RAB28: variants seen among roughly 807,000 people sequenced by gnomAD.
RAB28 encodes RAB28, member RAS oncogene family, also known as ras-related protein Rab-28.
RAB28 carries 24 observed loss-of-function variants against 31.7 expected under a neutral mutation model. That is an observed-to-expected ratio of 0.76 (90% CI 0.55 to 1.06). The LOEUF is 1.06. RAB28 is among the 50% of genes least tolerant of loss of function. RAB28 has a pLI of 0.00. For missense variants in RAB28, 254 were observed against 258.5 expected (o/e 0.98, Z 0.12); for synonymous variants, 100 against 90.4 (o/e 1.11, Z -0.60).
intron 4 of RAB28, among the ~76,000 whole-genome samples, chr4:13,402,871 T>C (rs1327880952): frequency 2.0e-5 from 3 of 152,178 alleles, no homozygotes; most frequent in Admixed American, 6.6e-5. Context: ...CACGGCTCAC[T>C]GCAGCCTTTG....
chr4:13,445,496 G>T (rs561881587), intron 4 of RAB28, among the ~76,000 whole-genome samples: 2 of 152,226 alleles, frequency 1.3e-5, no homozygotes, highest in South Asian at 4.1e-4. Flanking sequence ...CATCTTCGTG[G>T]ATTTATCTAC....
chr4:13,435,561 G>C (rs1299992176), intron 4 of RAB28, among the ~76,000 whole-genome samples: 8 of 152,086 alleles, frequency 5.3e-5, no homozygotes, highest in Non-Finnish European at 1.2e-4. Flanking sequence ...TGACAGCACA[G>C]AACTACAAAA....
At chr4:13,460,225 A>G (rs1715523313) in intron 4 of RAB28, among the ~76,000 whole-genome samples, 1 of 152,130 alleles carries the variant, frequency 6.6e-6, no homozygotes, top group Non-Finnish European at 1.5e-5. Context: ...TTATTTCTCA[A>G]ACTTCGGTAA....
intron 4 of RAB28, chr4:13,459,710 A>G: frequency 3.1e-6 from 3 of 978,520 alleles, no homozygotes; most frequent in Non-Finnish European, 3.6e-6. Context: ...TTTCAGAAAA[A>G]AAACAAAAAT....
At chr4:13,378,461 T>G (rs551830533) in intron 5 of RAB28, among the ~76,000 whole-genome samples, 2 of 152,130 alleles carry the variant, frequency 1.3e-5, no homozygotes, top group African/African-American at 4.8e-5. Flanking sequence ...AAAGAAGAAC[T>G]AGAGACAATT....
intron 3 of RAB28, among the ~76,000 whole-genome samples, chr4:13,469,205 T>G (rs2108967656): frequency 6.6e-6 from 1 of 152,154 alleles, no homozygotes; most frequent in South Asian, 2.1e-4. Flanking sequence ...ACATGGAATA[T>G]ATCTTGAAAT....
At chr4:13,403,100 C>T (rs1414081239) in intron 4 of RAB28, among the ~76,000 whole-genome samples, 2 of 151,950 alleles carry the variant, frequency 1.3e-5, no homozygotes, top group Non-Finnish European at 2.9e-5. Flanking sequence ...CGGACCCTGG[C>T]TCACATATTC....
Position 13,474,471 on chromosome 4 carries a change from T to A in RAB28, c.173-65A>T, listed in dbSNP as rs1376039975. The A allele has an allele frequency of 3.7e-5, 35 of 954,342 alleles. No homozygotes were observed. The East Asian group carries it at 7.9e-4, about 22-fold the overall frequency. 59.1% of individuals were successfully genotyped at this position (954,342 alleles called of 1,614,324 possible). A position where few individuals can be genotyped will look rare whatever the true frequency, so the allele number is the denominator to read the frequency against. Reference sequence around the variant, plus strand: ...AAAAATTAAGTAACAATACAACAAGTGACACAGTATCACAGAATACTAAGT... The same window carrying A: ...AAAAATTAAGTAACAATACAACAAGAGACACAGTATCACAGAATACTAAGT... On this transcript the variant is annotated intron_variant, in intron 2 of 6. Coordinates refer to ENST00000330852, the MANE Select transcript of RAB28 (RefSeq NM_001017979.3).
chr4:13,377,186 C>T (rs1162220565), intron 5 of RAB28, among the ~76,000 whole-genome samples: 3 of 152,044 alleles, frequency 2.0e-5, no homozygotes, highest in African/African-American at 2.4e-5. Context: ...AAATATATGC[C>T]ATTACGATTA....
intron 3 of RAB28, among the ~76,000 whole-genome samples, chr4:13,464,015 G>C (rs1715723199): frequency 6.6e-6 from 1 of 152,050 alleles, no homozygotes; most frequent in African/African-American, 2.4e-5. Flanking sequence ...TCATCACCCT[G>C]AAATCTGGAG....
At chr4:13,376,354 G>T (rs10020095) in intron 6 of RAB28, among the ~76,000 whole-genome samples, 191 bp downstream of exon 6, 2,404 of 152,050 alleles carry the variant, frequency 0.016, 61 homozygotes, top group African/African-American at 0.054. Context: ...GGTTTCAAGG[G>T]TATCATAATT....
chr4:13,419,659 A>G (rs941017421), intron 4 of RAB28, among the ~76,000 whole-genome samples: 1 of 152,284 alleles, frequency 6.6e-6, no homozygotes, highest in South Asian at 2.1e-4. Context: ...CTACTGGGTA[A>G]ATAATGAAAT....
chr4:13,460,721 C>G lies in RAB28; in HGVS notation c.369G>C (p.Leu123=), dbSNP rs920657256. ...TACTTTTATTGCCTACCAAGGCAAC[C>G]AGTGGCTGAGTTTCTGACTCCTCGC... ...KVSEESETQP[L]VALVGNKIDL... is the part of the protein sequence containing the mutation. Residue 123 remains leucine (L), a synonymous_variant, in exon 4 of 7, where the codon CTG becomes CTC. Coordinates refer to ENST00000330852, the MANE Select transcript of RAB28 (RefSeq NM_001017979.3). 1.2e-6 allele frequency: 2 copies of G among 1,614,016 alleles called. No individual in the cohort carries two copies. The highest frequency in any genetic ancestry group is 1.7e-5 in the Admixed American group (1 of 60,024).
At chr4:13,371,647 T>G (rs540193363) in intron 6 of RAB28, 1 of 1,460,636 alleles carries the variant, frequency 6.8e-7, no homozygotes, top group African/African-American at 1.4e-5. Context: ...TAACCAAGGC[T>G]CTGCAGATTC....
Position 13,368,501 on chromosome 4 carries a change from C to T in RAB28, c.*57G>A, listed in dbSNP as rs773463049. 108 of 1,551,278 alleles carry T rather than the reference C, an allele frequency of 7.0e-5. No homozygotes were observed. The highest frequency in any genetic ancestry group is 1.7e-4 in the Middle Eastern group (1 of 5,774). On this transcript the variant is annotated 3_prime_UTR_variant, in exon 7 of 7. Coordinates refer to ENST00000330852, the MANE Select transcript of RAB28 (RefSeq NM_001017979.3). ...GATAAAACAAGTTCCTAGAAGTCCT[C>T]GGGCCCACCCAGAGGTGAAGGGCAG... is the stretch of plus-strand genomic sequence containing the variant.
chr4:13,442,197 G>C (rs1319418940), intron 4 of RAB28, among the ~76,000 whole-genome samples: 2 of 152,134 alleles, frequency 1.3e-5, no homozygotes, highest in Non-Finnish European at 2.9e-5. Flanking sequence ...TATGTCCACT[G>C]TGGATTAACT....
At chr4:13,381,068 C>A (rs1019333677) in intron 5 of RAB28, among the ~76,000 whole-genome samples, 2 of 151,972 alleles carry the variant, frequency 1.3e-5, no homozygotes, top group African/African-American at 4.8e-5. Flanking sequence ...GTAATCTGGA[C>A]CCCATTACAT....
chr4:13,376,577 T>C lies in RAB28; in HGVS notation c.541A>G (p.Lys181Glu). ...QKVAAEILGI[K>E]LNKAEIEQSQ... ...TGTTCTATTTCTGCTTTGTTTAATTTGATCCCAAGGATTTCAGCAGCAACT... is the reference window on the plus strand; with the variant it reads ...TGTTCTATTTCTGCTTTGTTTAATTCGATCCCAAGGATTTCAGCAGCAACT... The change falls in exon 6 of 7, where the codon AAA becomes GAA. Residue 181 changes from lysine (K) to glutamate (E), a missense_variant. By Grantham distance (56) the Lys-to-Glu change is moderately conservative (BLOSUM62 1). Coordinates refer to ENST00000330852, the MANE Select transcript of RAB28 (RefSeq NM_001017979.3). The C allele has an allele frequency of 6.2e-7, 1 of 1,604,478 alleles. No homozygotes were observed. The highest frequency in any genetic ancestry group is 8.5e-7 in the Non-Finnish European group (1 of 1,176,442).
At chr4:13,417,613 G>A (rs773297596) in intron 4 of RAB28, among the ~76,000 whole-genome samples, 2 of 152,202 alleles carry the variant, frequency 1.3e-5, no homozygotes, top group African/African-American at 4.8e-5. Flanking sequence ...ACAGGGTCTG[G>A]AGTGGACCTC....
Sources: allele counts gnomAD v4.1 joint callset (sites outside exome capture counted in the v4.1 genomes callset), GRCh38; gene constraint gnomAD v4.1.1; transcripts MANE v1.5; gene names NCBI Gene and HGNC (gene_info 2026-07-23, HGNC 2026-07-21).